The following TRHDE variants were observed in gnomAD, a reference collection of about 807,000 sequenced individuals.
The protein encoded by TRHDE is thyrotropin-releasing hormone-degrading ectoenzyme.
In TRHDE, 72 loss-of-function variants were observed where a neutral mutation model predicts 125.7. The observed-to-expected ratio is 0.57, with a 90% CI of 0.47 to 0.70. The LOEUF (loss-of-function observed/expected upper bound fraction) is 0.70, where lower values mean the gene tolerates loss of function less well. TRHDE is among the 30% of genes least tolerant of loss of function. TRHDE has a pLI of 0.00. For missense variants in TRHDE, 1,110 were observed against 1,327.1 expected, an observed-to-expected ratio of 0.84 and a Z score of 2.54; for synonymous variants, 509 against 509.1, an observed-to-expected ratio of 1.00 and a Z score of 0.00.
Position 72,653,031 on chromosome 12 carries a change from A to G in TRHDE, c.2859A>G (p.Ser953=), listed in dbSNP as rs1874568233. ...ATCTTTGAAGGCTTCTAAATCTGTC[A>G]CTGAATTCTGAGGTGGTGCTGGATC... ...RNLLNRLLNL[S]LNSEVVLDQD... The change falls in exon 17 of 19, where the codon TCA becomes TCG. Residue 953 remains serine (S), a synonymous_variant. Transcript: ENST00000261180. 1.2e-6 allele frequency: 2 copies of G among 1,605,160 alleles called. No individual in the cohort carries two copies. Among genetic ancestry groups the G allele is most frequent in the Non-Finnish European group, 1.7e-6 (2 of 1,175,466 alleles).
chr12:72,536,466 A>G (rs1868863475), intron 6 of TRHDE, among the ~76,000 whole-genome samples: 1 of 152,066 alleles, frequency 6.6e-6, no homozygotes, highest in Non-Finnish European at 1.5e-5. Flanking sequence ...AATTGCAAAA[A>G]CACATTCATC....
At chr12:72,593,004 C>T (rs577524341) in intron 12 of TRHDE, among the ~76,000 whole-genome samples, 26 of 152,242 alleles carry the variant, frequency 1.7e-4, no homozygotes, top group African/African-American at 5.3e-4. Flanking sequence ...TGAGCCACCG[C>T]GCCCCGCTGG....
At chr12:72,470,022 A>T in intron 4 of TRHDE, 110 bp downstream of exon 4, 2 of 1,080,664 alleles carry the variant, frequency 1.9e-6, no homozygotes, top group East Asian at 5.1e-5. Context: ...TTTTAATTTT[A>T]TATGGAGCAC....
chr12:72,559,411 C>A (rs1356817609), intron 7 of TRHDE, among the ~76,000 whole-genome samples: 1 of 152,156 alleles, frequency 6.6e-6, no homozygotes, highest in Non-Finnish European at 1.5e-5. Flanking sequence ...TGTGTTTGAA[C>A]CAAGGCAGGC....
At chr12:72,323,767 G>A (rs1052918247) in intron 2 of TRHDE, among the ~76,000 whole-genome samples, 1 of 152,094 alleles carries the variant, frequency 6.6e-6, no homozygotes, top group Non-Finnish European at 1.5e-5. Flanking sequence ...AGGCAGTTGT[G>A]ATGTATAGAG....
intron 2 of TRHDE, among the ~76,000 whole-genome samples, chr12:72,161,968 G>T (rs550947371): frequency 2.0e-5 from 3 of 152,228 alleles, no homozygotes; most frequent in African/African-American, 7.2e-5. Flanking sequence ...GGTTTTGTAG[G>T]CATGTCTATA....
At chr12:72,352,123 T>C (rs566056465) in intron 2 of TRHDE, among the ~76,000 whole-genome samples, 1 of 151,970 alleles carries the variant, frequency 6.6e-6, no homozygotes, top group South Asian at 2.1e-4. Context: ...AACAGGGTTG[T>C]TGTCAATTTT....
intron 2 of TRHDE, among the ~76,000 whole-genome samples, chr12:72,201,832 C>T (rs991706123): frequency 2.0e-5 from 3 of 152,176 alleles, no homozygotes; most frequent in Admixed American, 1.3e-4. Context: ...GCTAAAATGT[C>T]CTCTGGTCTC....
chr12:72,521,631 T>C (rs1198771824), intron 6 of TRHDE, among the ~76,000 whole-genome samples: 1 of 152,196 alleles, frequency 6.6e-6, no homozygotes, highest in Non-Finnish European at 1.5e-5. Context: ...TGGTATGTAT[T>C]CCCCTGGTAA....
At chr12:72,214,515 C>T (rs1310812993) in intron 2 of TRHDE, among the ~76,000 whole-genome samples, 1 of 152,162 alleles carries the variant, frequency 6.6e-6, no homozygotes, top group Non-Finnish European at 1.5e-5. Context: ...TTTTGAAGTG[C>T]TGGCTCACTC....
intron 2 of TRHDE, among the ~76,000 whole-genome samples, chr12:72,221,014 G>A (rs184734419): frequency 6.6e-6 from 1 of 152,036 alleles, no homozygotes; most frequent in Admixed American, 6.6e-5. Context: ...ATGAAATGAG[G>A]TATAAATATT....
intron 2 of TRHDE, among the ~76,000 whole-genome samples, chr12:72,176,628 A>G (rs1345324437): frequency 1.3e-5 from 2 of 152,222 alleles, no homozygotes; most frequent in African/African-American, 4.8e-5. Context: ...TATTAAATCT[A>G]TGGTGCACGT....
intron 9 of TRHDE, among the ~76,000 whole-genome samples, chr12:72,568,358 T>A (rs892486556): frequency 6.6e-6 from 1 of 152,152 alleles, no homozygotes; most frequent in African/African-American, 2.4e-5. Flanking sequence ...GCATTGCAAT[T>A]AAAATTCTTA....
intron 2 of TRHDE, among the ~76,000 whole-genome samples, chr12:72,107,658 TGCAGACAC>T (rs1321513626): frequency 6.6e-6 from 1 of 152,114 alleles, no homozygotes; most frequent in African/African-American, 2.4e-5. Flanking sequence ...CCATGGCATT[TGCAGACAC>T]AGAATTTTCA....
At chr12:72,249,873 G>A (rs190651259) in intron 2 of TRHDE, among the ~76,000 whole-genome samples, 3 of 152,144 alleles carry the variant, frequency 2.0e-5, no homozygotes, top group Non-Finnish European at 4.4e-5. Context: ...ATTTGTAATA[G>A]TCCAAAACTT....
chr12:72,301,753 G>T (rs146312434), intron 2 of TRHDE, among the ~76,000 whole-genome samples: 3 of 152,140 alleles, frequency 2.0e-5, no homozygotes, highest in Admixed American at 1.3e-4. Flanking sequence ...AGTGTGCAAA[G>T]CTTGGCAGCT....
At chr12:72,466,076 C>G (rs1876356392) in intron 3 of TRHDE, among the ~76,000 whole-genome samples, 1 of 152,092 alleles carries the variant, frequency 6.6e-6, no homozygotes, top group Non-Finnish European at 1.5e-5. Context: ...GACCTCATAC[C>G]TTTCGATACC....
At chr12:72,575,825 A>G (rs1191285513) in intron 12 of TRHDE, among the ~76,000 whole-genome samples, 4 of 152,152 alleles carry the variant, frequency 2.6e-5, no homozygotes, top group Non-Finnish European at 4.4e-5. Flanking sequence ...AATGAACTCT[A>G]TAAAGTGACC....
chr12:72,193,659 A>G (rs2139350258), intron 2 of TRHDE, among the ~76,000 whole-genome samples: 1 of 152,264 alleles, frequency 6.6e-6, no homozygotes, highest in African/African-American at 2.4e-5. Context: ...ATGGTTTCAC[A>G]TCAGGTGACC....
Sources: gnomAD v4.1 joint callset for allele counts (sites outside exome capture counted in the v4.1 genomes callset) on GRCh38, gnomAD v4.1.1 for gene constraint, MANE v1.5 for transcripts, NCBI Gene and HGNC (gene_info 2026-07-23, HGNC 2026-07-21) for gene names.